Variants in PCLO observed in about 807,000 individuals in gnomAD.
PCLO encodes the protein protein piccolo.
Under a neutral mutation model 427.5 loss-of-function variants are expected in PCLO, and 82 were observed. The ratio of observed to expected loss-of-function variants is 0.19; its 90% CI spans 0.16 to 0.23. The LOEUF is 0.23. PCLO is among the 10% of genes least tolerant of loss of function. The pLI, the probability that PCLO is intolerant of heterozygous loss-of-function variation, is 1.00. For synonymous variants in PCLO, 2,357 were observed against 2,155.4 expected (o/e 1.09, Z -2.59); for missense variants, 6,239 against 6,115.9 (o/e 1.02, Z -0.67).
In PCLO at chr7:82,952,678, T is replaced by C. The variant is rs541251413; in HGVS notation, c.8275A>G (p.Thr2759Ala). 1.9e-6 allele frequency: 3 copies of C among 1,613,962 alleles called. No individual in the cohort carries two copies. Among genetic ancestry groups the C allele is most frequent in the East Asian group, 4.5e-5 (2 of 44,860 alleles). ...TGTTTCCCATAAACTTCATTTGCTG[T>C]GATCTGCCTTTTCACATCCATTGTA... is the stretch of plus-strand genomic sequence containing the variant. The part of the protein sequence containing the change: ...ASTMDVKRQI[T>A]ANEVYGKQIS... Residue 2759 changes from threonine to alanine, a missense_variant, in exon 5 of 25, where the codon ACA (threonine) becomes GCA (alanine). Thr to Ala is a moderately conservative substitution (Grantham distance 58). Transcript: ENST00000333891.
chr7:83,127,437 A>C (rs567971157), intron 3 of PCLO, among the ~76,000 whole-genome samples: 1 of 152,292 alleles, frequency 6.6e-6, no homozygotes, highest in African/African-American at 2.4e-5. Flanking sequence ...GGTATGTTTA[A>C]ATAGATAAGA....
chr7:82,952,471 T>G lies in PCLO; in HGVS notation c.8482A>C (p.Thr2828Pro), dbSNP rs367758541. 6.2e-7 allele frequency: 1 copy of G among 1,613,902 alleles called. No homozygotes were observed. Among genetic ancestry groups the G allele is most frequent in the East Asian group, 2.2e-5 (1 of 44,862 alleles). ...HAMTTPLQLT[T>P]SKHAEPPYRI... ...TATGGGGGCTCAGCATGCTTTGATG[T>G]TGTAAGTTGGAGTGGTGTTGTCATT... Residue 2828 changes from threonine to proline, a missense_variant, in exon 5 of 25, where the codon ACA becomes CCA. By Grantham distance (38) the Thr-to-Pro change is conservative (BLOSUM62 -1). This residue lies in a region of PCLO where 4,677 missense variants were observed against 4,468.4 expected (regional missense o/e 1.05). Transcript: ENST00000333891.
At chr7:83,037,984 G>A (rs1788836974) in intron 3 of PCLO, among the ~76,000 whole-genome samples, 1 of 41,288 alleles carries the variant, frequency 2.4e-5, no homozygotes, top group Non-Finnish European at 5.0e-5. Flanking sequence ...GGTGTAAGGA[G>A]GAGCTTATAT....
At chr7:82,867,694 G>T (rs2115959370) in intron 10 of PCLO, among the ~76,000 whole-genome samples, 1 of 152,260 alleles carries the variant, frequency 6.6e-6, no homozygotes, top group South Asian at 2.1e-4. Flanking sequence ...CTCAAAGTAT[G>T]TCAACCTTGA....
At chr7:83,116,825 T>C (rs1791146889) in intron 3 of PCLO, among the ~76,000 whole-genome samples, 1 of 152,178 alleles carries the variant, frequency 6.6e-6, no homozygotes, top group Admixed American at 6.6e-5. Flanking sequence ...CATCCTACTC[T>C]CCACTTCTGT....
At chr7:82,773,192 A>T (rs1225295037) in intron 22 of PCLO, among the ~76,000 whole-genome samples, 2 of 152,216 alleles carry the variant, frequency 1.3e-5, no homozygotes, top group Admixed American at 6.5e-5. Flanking sequence ...ACTCGGAATA[A>T]CATTAGCATC....
At chr7:83,116,344 G>A (rs570617471) in intron 3 of PCLO, among the ~76,000 whole-genome samples, 11 of 152,194 alleles carry the variant, frequency 7.2e-5, no homozygotes, top group African/African-American at 2.2e-4. Context: ...GCAAGAAAAT[G>A]TTAGTATATA....
intron 22 of PCLO, among the ~76,000 whole-genome samples, chr7:82,798,105 A>C (rs1791266255): frequency 6.6e-6 from 1 of 152,174 alleles, no homozygotes; most frequent in Non-Finnish European, 1.5e-5. Context: ...CTTAAAATCT[A>C]TGATATACTC....
chr7:82,947,226 T>C (rs1157392160), intron 6 of PCLO, among the ~76,000 whole-genome samples: 1 of 152,160 alleles, frequency 6.6e-6, no homozygotes, highest in African/African-American at 2.4e-5. Flanking sequence ...ACAGATTGAT[T>C]CAGAATCTGA....
chr7:82,991,122 C>T (rs1796366475), intron 3 of PCLO, among the ~76,000 whole-genome samples: 1 of 151,908 alleles, frequency 6.6e-6, no homozygotes, highest in South Asian at 2.1e-4. Flanking sequence ...TCTTTCTATC[C>T]AATGGGGATA....
At chr7:83,082,108 C>A (rs1790115562) in intron 3 of PCLO, among the ~76,000 whole-genome samples, 1 of 150,862 alleles carries the variant, frequency 6.6e-6, no homozygotes, top group African/African-American at 2.4e-5. Context: ...TATACATTTC[C>A]TATACTATAC....
intron 22 of PCLO, among the ~76,000 whole-genome samples, chr7:82,788,384 C>A (rs984084926): frequency 2.1e-4 from 32 of 151,460 alleles, no homozygotes; most frequent in African/African-American, 7.5e-4. Flanking sequence ...ACTCAGTTAA[C>A]TGCCTTACTC....
chr7:82,914,561 G>A (rs896999475), intron 7 of PCLO, 125 bp downstream of exon 7: 2 of 888,680 alleles, frequency 2.3e-6, no homozygotes. Context: ...AAATAAAATT[G>A]AAGTAAACAT....
At chr7:82,774,842 T>C (rs1790716124) in intron 22 of PCLO, among the ~76,000 whole-genome samples, 1 of 152,184 alleles carries the variant, frequency 6.6e-6, no homozygotes, top group Non-Finnish European at 1.5e-5. Flanking sequence ...ATATCCACCA[T>C]TATAGTATCA....
intron 4 of PCLO, among the ~76,000 whole-genome samples, chr7:82,963,011 G>C (rs1208725133): frequency 6.6e-6 from 1 of 151,978 alleles, no homozygotes; most frequent in Non-Finnish European, 1.5e-5. Flanking sequence ...CTTAAAAATA[G>C]AGGATTGCAA....
chr7:83,119,881 G>A (rs977617505), intron 3 of PCLO, among the ~76,000 whole-genome samples: 1 of 150,484 alleles, frequency 6.6e-6, no homozygotes, highest in Non-Finnish European at 1.5e-5. Flanking sequence ...TTGTGTAACT[G>A]AAAAATTCAA....
At chr7:83,041,155 T>C (rs1157461910) in intron 3 of PCLO, among the ~76,000 whole-genome samples, 1 of 152,034 alleles carries the variant, frequency 6.6e-6, no homozygotes, top group Admixed American at 6.6e-5. Context: ...ACATTAAACA[T>C]AAAAGTAAAA....
intron 1 of PCLO, among the ~76,000 whole-genome samples, chr7:83,157,550 T>C (rs1351580458): frequency 2.0e-5 from 3 of 151,846 alleles, no homozygotes; most frequent in Non-Finnish European, 4.4e-5. Context: ...GGAAACATGA[T>C]ACATTTTAAA....
chr7:82,805,465 T>A (rs551380947), intron 21 of PCLO, among the ~76,000 whole-genome samples: 1 of 152,326 alleles, frequency 6.6e-6, no homozygotes, highest in South Asian at 2.1e-4. Context: ...CAGATTGTAT[T>A]GATTAAGTAG....
Sources: gnomAD v4.1 joint callset for allele counts (sites outside exome capture counted in the v4.1 genomes callset) on GRCh38, gnomAD v4.1.1 for gene constraint, gnomAD v4.1.1 regional missense constraint, MANE v1.5 for transcripts, NCBI Gene and HGNC (gene_info 2026-07-23, HGNC 2026-07-21) for gene names.